The following GPR37 variants were observed in gnomAD, a reference collection of about 807,000 sequenced individuals.
The protein encoded by GPR37 is G protein-coupled receptor 37.
GPR37 carries 20 observed loss-of-function variants against 43.6 expected under a neutral mutation model. The observed-to-expected ratio is 0.46, with a 90% CI of 0.32 to 0.67. The LOEUF (loss-of-function observed/expected upper bound fraction) is 0.67, where lower values mean the gene tolerates loss of function less well. Among genes scored for constraint, GPR37 ranks in the 30% least tolerant of loss-of-function variants. GPR37 has a pLI of 0.03. For synonymous variants in GPR37, 315 were observed against 322.6 expected, an observed-to-expected ratio of 0.98 and a Z score of 0.25; for missense variants, 724 against 797.2, an observed-to-expected ratio of 0.91 and a Z score of 1.11.
rs748138558 is a variant in GPR37, at chr7:124,746,708, G to A, written c.1659C>T (p.Cys553=). 2 of 1,614,004 alleles carry A rather than the reference G, an allele frequency of 1.2e-6. No homozygotes were observed. Among genetic ancestry groups the A allele is most frequent in the African/African-American group, 1.3e-5 (1 of 75,040 alleles). Reference sequence around the variant, plus strand: ...CCATGAAGGCCCGACTGAAGGGTTTGCAGAGACAGAAAAGGAGGACTGGGG... The same window carrying A: ...CCATGAAGGCCCGACTGAAGGGTTTACAGAGACAGAAAAGGAGGACTGGGG... The part of the protein sequence containing the change: ...CVTPVLLFCL[C]KPFSRAFMEC... The change falls in exon 2 of 2, where the codon TGC becomes TGT. Residue 553 remains cysteine (C), a synonymous_variant. Transcript: ENST00000303921.
Position 124,744,183 on chromosome 7 carries a change from A to C in GPR37, c.*2342T>G, listed in dbSNP as rs1793642900. 6.6e-6 allele frequency: 1 copy of C among 152,108 alleles called. No individual in the cohort carries two copies. The highest frequency in any genetic ancestry group is 1.5e-5 in the Non-Finnish European group (1 of 67,982). The allele number at this position is 152,108 out of a possible 1,614,324, so 9.4% of individuals were successfully genotyped here. A position where few individuals can be genotyped will look rare whatever the true frequency, so the allele number is the denominator to read the frequency against. ...CCTCCATTGTGGTTCAATCTCTTATAATAGCTTCCTAGTTGCTTTTTCATG... is the reference window on the plus strand; with the variant it reads ...CCTCCATTGTGGTTCAATCTCTTATCATAGCTTCCTAGTTGCTTTTTCATG... On this transcript the variant is annotated 3_prime_UTR_variant, in exon 2 of 2. Coordinates refer to ENST00000303921, the MANE Select transcript of GPR37 (RefSeq NM_005302.5).
rs982760109 is a variant in GPR37, at chr7:124,744,197, T to G, written c.*2328A>C. On this transcript the variant is annotated 3_prime_UTR_variant, in exon 2 of 2. Coordinates refer to ENST00000303921, the MANE Select transcript of GPR37 (RefSeq NM_005302.5). Reference sequence around the variant, plus strand: ...CAATCTCTTATAATAGCTTCCTAGTTGCTTTTTCATGATCAGACTGTCCCC... The same window carrying G: ...CAATCTCTTATAATAGCTTCCTAGTGGCTTTTTCATGATCAGACTGTCCCC... 5 of 152,118 alleles carry G rather than the reference T, an allele frequency of 3.3e-5. 1 individual carries two copies. The highest frequency in any genetic ancestry group is 1.2e-4 in the African/African-American group (5 of 41,438). The allele number at this position is 152,118 out of a possible 1,614,324, so 9.4% of individuals were successfully genotyped here. A position where few individuals can be genotyped will look rare whatever the true frequency, so the allele number is the denominator to read the frequency against.
intron 1 of GPR37, 31 bp from the exon 2 acceptor site, chr7:124,747,374 C>T (rs553719939): frequency 9.2e-6 from 13 of 1,418,260 alleles, no homozygotes; most frequent in Admixed American, 2.0e-5. Context: ...CATTTATTCC[C>T]GGTGTCCCCC....
Position 124,764,046 on chromosome 7 carries a change from T to A in GPR37, c.931A>T (p.Ile311Phe), listed in dbSNP as rs1414827939. Reference protein sequence around the residue: ...ANLAFWDFLIIFFCLPLVIFH... With the variant: ...ANLAFWDFLIFFFCLPLVIFH... ...ATGACCAGCGGAAGGCAGAAGAAGA[T>A]GATGAGAAAGTCCCAGAAGGCCAGG... Residue 311 changes from isoleucine (I) to phenylalanine (F), a missense_variant, in exon 1 of 2, where the codon ATC becomes TTC. Around this residue, in one of 2 missense-constraint regions of GPR37, gnomAD observed 342 missense variants for 441.8 expected, o/e 0.77. Coordinates refer to ENST00000303921, the MANE Select transcript of GPR37 (RefSeq NM_005302.5). This position sits in a 1 kb window ranked among gnomAD's most constrained non-coding sequence, Gnocchi z 5.4. The A allele has an allele frequency of 6.2e-7, 1 of 1,614,066 alleles. No homozygotes were observed.
Position 124,746,542 on chromosome 7 carries a change from C to T in GPR37, c.1825G>A (p.Val609Ile), listed in dbSNP as rs1402046224. 1.2e-6 allele frequency: 2 copies of T among 1,604,898 alleles called. No homozygotes were observed. The highest frequency in any genetic ancestry group is 1.7e-6 in the Non-Finnish European group (2 of 1,175,050). ...ACTGTCCTTCAGCAATGAGTTCCGACAGAAGCAAAAGTGGACATTTCACGG... is the reference window on the plus strand; with the variant it reads ...ACTGTCCTTCAGCAATGAGTTCCGATAGAAGCAAAAGTGGACATTTCACGG... The part of the protein sequence containing the change: ...IRREMSTFAS[V>I]GTHC The change falls in exon 2 of 2, where the codon GTC becomes ATC. Residue 609 changes from valine to isoleucine, a missense_variant. Val to Ile is a conservative substitution (Grantham distance 29). This residue lies in a region of GPR37 where 342 missense variants were observed against 441.8 expected (regional missense o/e 0.77). Transcript: ENST00000303921.
At chr7:124,749,385 T>C (rs1793708296) in intron 1 of GPR37, among the ~76,000 whole-genome samples, 1 of 152,084 alleles carries the variant, frequency 6.6e-6, no homozygotes, top group South Asian at 2.1e-4. Flanking sequence ...TTAAGAAGCA[T>C]GGTTATAGGC....
At chr7:124,757,154 C>T (rs1793801486) in intron 1 of GPR37, among the ~76,000 whole-genome samples, 1 of 152,124 alleles carries the variant, frequency 6.6e-6, no homozygotes, top group Non-Finnish European at 1.5e-5. Flanking sequence ...AAGTATCGCC[C>T]TTGTCCATCT....
intron 1 of GPR37, among the ~76,000 whole-genome samples, chr7:124,754,267 T>C (rs2116317432): frequency 6.6e-6 from 1 of 152,178 alleles, no homozygotes; most frequent in South Asian, 2.1e-4. Flanking sequence ...TCATTCAAAA[T>C]GATATGAAGA....
chr7:124,750,302 T>A (rs1157012593), intron 1 of GPR37, among the ~76,000 whole-genome samples: 1 of 152,186 alleles, frequency 6.6e-6, no homozygotes, highest in African/African-American at 2.4e-5. Context: ...TTTCGTGCCA[T>A]CTTCACTAAG....
Position 124,764,242 on chromosome 7 carries a change from C to T in GPR37, c.735G>A (p.Val245=), listed in dbSNP as rs1295746495. 6 of 1,597,270 alleles carry T rather than the reference C, an allele frequency of 3.8e-6. No homozygotes were observed. Among genetic ancestry groups the T allele is most frequent in the Non-Finnish European group, 5.1e-6 (6 of 1,171,878 alleles). The change falls in exon 1 of 2, where the codon GTG becomes GTA. Residue 245 remains valine (V), a synonymous_variant. Transcript: ENST00000303921. This position sits in a 1 kb window ranked among gnomAD's most constrained non-coding sequence, Gnocchi z 5.4. ...PRRGNSTNRR[V]RLKNPFYPLT... ...GCGGGTAGAAGGGGTTCTTCAGTCT[C>T]ACACGCCGGTTCGTGCTGTTTCCCC... is the stretch of plus-strand genomic sequence containing the variant.
chr7:124,764,701 CG>C lies in GPR37; in HGVS notation c.275del (p.Pro92ArgfsTer79). On this transcript the variant is annotated frameshift_variant, in exon 1 of 2. Coordinates refer to ENST00000303921, the MANE Select transcript of GPR37 (RefSeq NM_005302.5). LOFTEE classifies it high-confidence loss of function. This position sits in a 1 kb window ranked among gnomAD's most constrained non-coding sequence, Gnocchi z 5.4. ...AGPSWDLPAA[P>X]GRDPAAGRGA... ...CTCTGCCTGCAGCCGGGTCACGGCC[CG>C]GGGCCGCCGGCAGGTCCCAGGAGGG... The C allele has an allele frequency of 6.3e-7, 1 of 1,597,916 alleles. No individual in the cohort carries two copies. Among genetic ancestry groups the C allele is most frequent in the Non-Finnish European group, 8.5e-7 (1 of 1,173,864 alleles).
chr7:124,749,316 T>A (rs1352297640), intron 1 of GPR37, among the ~76,000 whole-genome samples: 5 of 152,098 alleles, frequency 3.3e-5, no homozygotes, highest in African/African-American at 4.8e-5. Context: ...TGCTTTGGTC[T>A]ACATCCCAGA....
chr7:124,753,370 T>C (rs1299612125), intron 1 of GPR37, among the ~76,000 whole-genome samples: 1 of 152,076 alleles, frequency 6.6e-6, no homozygotes, highest in African/African-American at 2.4e-5. Context: ...AATTTAATGA[T>C]CCAGATATTT....
At position 124,763,941 on chromosome 7, in the gene GPR37, T is replaced by G; in HGVS notation, c.1023+13A>C. On this transcript the variant is annotated intron_variant, in intron 1 of 1. Coordinates refer to ENST00000303921, the MANE Select transcript of GPR37 (RefSeq NM_005302.5). ...ATAAAGCCACTAGCTTGAGAGCCCC[T>G]GGAAGGCATTACCTCTATATAGGGC... The G allele has an allele frequency of 6.2e-7, 1 of 1,611,996 alleles. No homozygotes were observed. The highest frequency in any genetic ancestry group is 8.5e-7 in the Non-Finnish European group (1 of 1,179,006).
Position 124,745,038 on chromosome 7 carries a change from A to G in GPR37, c.*1487T>C, listed in dbSNP as rs1300770249. 1 of 152,186 alleles carries G rather than the reference A, an allele frequency of 6.6e-6. No homozygotes were observed. The highest frequency in any genetic ancestry group is 2.4e-5 in the African/African-American group (1 of 41,448). 9.4% of individuals were successfully genotyped at this position (152,186 alleles called of 1,614,324 possible). ...ACAATGGAGGGAAAAACCCCTTTGAAAAGTATTGGACTGGGAAAAAGGAGA... is the reference window on the plus strand; with the variant it reads ...ACAATGGAGGGAAAAACCCCTTTGAGAAGTATTGGACTGGGAAAAAGGAGA... On this transcript the variant is annotated 3_prime_UTR_variant, in exon 2 of 2. Coordinates refer to ENST00000303921, the MANE Select transcript of GPR37 (RefSeq NM_005302.5).
intron 1 of GPR37, among the ~76,000 whole-genome samples, chr7:124,754,839 AC>A (rs1793774191): frequency 6.6e-6 from 1 of 152,050 alleles, no homozygotes; most frequent in Non-Finnish European, 1.5e-5. Flanking sequence ...ACAGGGTAGA[AC>A]CTCTAAATGG....
intron 1 of GPR37, among the ~76,000 whole-genome samples, chr7:124,752,977 AG>A (rs989782900): frequency 3.3e-5 from 5 of 152,000 alleles, no homozygotes; most frequent in African/African-American, 1.2e-4. Context: ...AAGTTGTAAA[AG>A]TTTGCTCCTG....
chr7:124,765,518 C>G lies in GPR37; in HGVS notation c.-542G>C, dbSNP rs952658231. On this transcript the variant is annotated 5_prime_UTR_variant, in exon 1 of 2. Coordinates refer to ENST00000303921, the MANE Select transcript of GPR37 (RefSeq NM_005302.5). ...CCCCGCTCCCAGCTCGCTGGAAACACGTTGCAAACAGTCCGAAGCAGCGCT... is the reference window on the plus strand; with the variant it reads ...CCCCGCTCCCAGCTCGCTGGAAACAGGTTGCAAACAGTCCGAAGCAGCGCT... 1 of 152,734 alleles carries G rather than the reference C, an allele frequency of 6.5e-6. No individual in the cohort carries two copies. Among genetic ancestry groups the G allele is most frequent in the African/African-American group, 2.4e-5 (1 of 41,496 alleles). The allele number at this position is 152,734 out of a possible 1,614,324, so 9.5% of individuals were successfully genotyped here.
At position 124,747,725 on chromosome 7, in the gene GPR37, A is replaced by G. The variant is rs115047259; in HGVS notation, c.1024-382T>C. 3.7e-3 allele frequency among the ~76,000 whole-genome samples: 567 copies of G among 152,228 alleles called. 6 individuals are homozygous for G. Among genetic ancestry groups the G allele is most frequent in the African/African-American group, 0.012 (502 of 41,548 alleles). On this transcript the variant is annotated intron_variant, in intron 1 of 1. Transcript: ENST00000303921. ...TCTAGATAAGGAGTCAGGGTAGTGC[A>G]GAAATTCCCATTTTCATTGCTGACC...
Sources: gnomAD v4.1 joint callset for allele counts (sites outside exome capture counted in the v4.1 genomes callset) on GRCh38, gnomAD v4.1.1 for gene constraint, gnomAD v4.1.1 regional missense constraint, Gnocchi (gnomAD v3.1) non-coding constraint, MANE v1.5 for transcripts, NCBI Gene and HGNC (gene_info 2026-07-23, HGNC 2026-07-21) for gene names.